BPIFC: variants seen among roughly 807,000 people sequenced by gnomAD.
The protein encoded by BPIFC is BPI fold-containing family C protein.
Under a neutral mutation model 57.6 loss-of-function variants are expected in BPIFC, and 60 were observed. That is an observed-to-expected ratio of 1.04 (90% CI 0.85 to 1.29). BPIFC has a LOEUF of 1.29. Ranked by LOEUF, BPIFC falls within the 50% of genes most tolerant of loss-of-function variation. The pLI, the probability that BPIFC is intolerant of heterozygous loss-of-function variation, is 0.00. For synonymous variants in BPIFC, 243 were observed against 224.5 expected (o/e 1.08, Z -0.74); for missense variants, 581 against 600.5 (o/e 0.97, Z 0.34).
Position 32,445,731 on chromosome 22 carries a change from A to AAAAAAAAAT in BPIFC, c.531-34_531-33insATTTTTTTT, listed in dbSNP as rs1568954978. 5.9e-6 allele frequency: 9 copies of AAAAAAAAAT among 1,532,454 alleles called. No homozygotes were observed. The South Asian group carries it at 6.2e-5, about 11-fold the overall frequency. The allele number at this position is 1,532,454 out of a possible 1,614,324, so 94.9% of individuals were successfully genotyped here. A position where few individuals can be genotyped will look rare whatever the true frequency, so the allele number is the denominator to read the frequency against. On this transcript the variant is annotated intron_variant, in intron 6 of 16. Coordinates refer to ENST00000300399, the MANE Select transcript of BPIFC (RefSeq NM_174932.3). ...AAAAAATGAAAAAAAAAAAAAAAAA[A>AAAAAAAAAT]AAAAGAGGTTACTCAGAGACCATAA...
rs994008455 is a variant in BPIFC at position 32,419,472 on chromosome 22, TA to T, written c.1218-69del. The stretch of plus-strand genomic sequence containing the variant: ...GCCTTAGTAGAAAGAAACCAAAAAG[TA>T]AAAGGATATTTTCAGTTCAAAAGTC... On this transcript the variant is annotated intron_variant, in intron 13 of 16. Coordinates refer to ENST00000300399, the MANE Select transcript of BPIFC (RefSeq NM_174932.3). 3 of 1,412,058 alleles carry T rather than the reference TA, an allele frequency of 2.1e-6. No homozygotes were observed. In the African/African-American group the frequency reaches 4.3e-5, roughly 20 times the overall value. 87.5% of individuals were successfully genotyped at this position (1,412,058 alleles called of 1,614,324 possible).
At chr22:32,446,754 A>G (rs1426648986) in intron 5 of BPIFC, 2 of 985,270 alleles carry the variant, frequency 2.0e-6, no homozygotes, top group African/African-American at 1.7e-5. Flanking sequence ...TCCTCCTTCT[A>G]CACGAGGGTG....
rs557657833 is a variant in BPIFC at position 32,415,767 on chromosome 22, C to T, written c.1401+148G>A. 7.3e-6 allele frequency: 4 copies of T among 546,126 alleles called. No homozygotes were observed. The African/African-American group carries it at 8.1e-5, about 11-fold the overall frequency. The allele number at this position is 546,126 out of a possible 1,614,324, so 33.8% of individuals were successfully genotyped here. A position where few individuals can be genotyped will look rare whatever the true frequency, so the allele number is the denominator to read the frequency against. On this transcript the variant is annotated intron_variant, in intron 16 of 16. Transcript: ENST00000300399. ...TTTTCTGTTAATTGTGATTTAAGAA[C>T]TAAACATGTTTATAAGATTCCCTGG... is the stretch of plus-strand genomic sequence containing the variant.
At position 32,423,577 on chromosome 22, in the gene BPIFC, G is replaced by GGGGTGTGTGTGTGTGT. The variant is rs1556036074; in HGVS notation, c.1218-4174_1218-4173insACACACACACACACCC. 2.3e-3 allele frequency among the ~76,000 whole-genome samples: 331 copies of GGGGTGTGTGTGTGTGT among 143,256 alleles called. 2 individuals carry two copies. The highest frequency in any genetic ancestry group is 7.7e-3 in the African/African-American group (290 of 37,450). 94.0% of individuals were successfully genotyped at this position (143,256 alleles called of 152,430 possible). A position where few individuals can be genotyped will look rare whatever the true frequency, so the allele number is the denominator to read the frequency against. ...TGCTTGGGAGGAGTTGTAGGGTGTG[G>GGGGTGTGTGTGTGTGT]GTGTGTGTGTGTGTGTGTGTGTGTG... On this transcript the variant is annotated intron_variant, in intron 13 of 16. Transcript: ENST00000300399.
At chr22:32,446,652 C>T in intron 5 of BPIFC, 1 of 675,162 alleles carries the variant, frequency 1.5e-6, no homozygotes, top group Non-Finnish European at 1.8e-6. Flanking sequence ...ATGTGTTATC[C>T]TGTGGCACCA....
intron 13 of BPIFC, among the ~76,000 whole-genome samples, chr22:32,424,789 C>CTTCTTCTTCCT (rs1934016412): frequency 9.7e-6 from 1 of 103,596 alleles, no homozygotes; most frequent in African/African-American, 4.1e-5. Context: ...CTTCTTCTTC[C>CTTCTTCTTCCT]TTTTTTTTTG....
intron 4 of BPIFC, among the ~76,000 whole-genome samples, chr22:32,450,089 A>G (rs1227022102): frequency 4.0e-5 from 5 of 124,446 alleles, no homozygotes; most frequent in East Asian, 2.4e-4. Context: ...TGGGTCAAAG[A>G]GCATACACAC....
intron 1 of BPIFC, 61 bp downstream of exon 1, chr22:32,464,313 G>T: frequency 1.2e-6 from 1 of 802,070 alleles, no homozygotes; most frequent in Non-Finnish European, 1.5e-6. Flanking sequence ...ACCAAATCTG[G>T]GACATCTCCA....
intron 5 of BPIFC, 91 bp from the exon 6 acceptor site, chr22:32,446,087 G>T (rs1423086420): frequency 1.4e-6 from 2 of 1,438,024 alleles, no homozygotes; most frequent in East Asian, 4.6e-5. Flanking sequence ...TAAGCTCCTG[G>T]ACTGCAGTGA....
chr22:32,442,783 A>T (rs1934601459), intron 7 of BPIFC, 52 bp from the exon 8 acceptor site: 1 of 1,558,622 alleles, frequency 6.4e-7, no homozygotes, highest in Non-Finnish European at 8.8e-7. Context: ...TTGTACTGGA[A>T]AGCCTTATTG....
intron 13 of BPIFC, 123 bp downstream of exon 13, chr22:32,431,224 C>A: frequency 1.3e-6 from 1 of 773,362 alleles, no homozygotes; most frequent in East Asian, 3.0e-5. Context: ...AGCGATTCTC[C>A]TGCCTCAGCC....
intron 14 of BPIFC, among the ~76,000 whole-genome samples, chr22:32,417,352 A>T (rs713760): frequency 0.094 from 14,319 of 151,708 alleles, 749 homozygotes; most frequent in Middle Eastern, 0.17. Context: ...AGTTAAAAAA[A>T]TTTTTTTTAG....
intron 2 of BPIFC, among the ~76,000 whole-genome samples, chr22:32,459,971 C>G (rs1935129694): frequency 6.6e-6 from 1 of 152,040 alleles, no homozygotes; most frequent in Non-Finnish European, 1.5e-5. Flanking sequence ...TCAGAAGCAG[C>G]CTGGGTGAAG....
At position 32,446,093 on chromosome 22, in the gene BPIFC, A is replaced by C. The variant is rs557977532; in HGVS notation, c.375-97T>G. On this transcript the variant is annotated intron_variant, in intron 5 of 16. Transcript: ENST00000300399. ...CAGAGACTCTAAGCTCCTGGACTGC[A>C]GTGACTTTGTCATGTTCACCTCTGA... 1.8e-5 allele frequency: 26 copies of C among 1,426,254 alleles called. 1 individual carries two copies. Among genetic ancestry groups the C allele is most frequent in the Admixed American group, 1.4e-4 (7 of 48,994 alleles). The allele number at this position is 1,426,254 out of a possible 1,614,324, so 88.3% of individuals were successfully genotyped here.
Position 32,452,594 on chromosome 22 carries a change from C to T in BPIFC, c.245+789G>A, listed in dbSNP as rs537966864. ...CAGAGCTTGCAGTGAGCCGAGATCGCGCCACTGCACTCCAGCCTAGGCAAC... is the reference window on the plus strand; with the variant it reads ...CAGAGCTTGCAGTGAGCCGAGATCGTGCCACTGCACTCCAGCCTAGGCAAC... On this transcript the variant is annotated intron_variant, in intron 4 of 16. Coordinates refer to ENST00000300399, the MANE Select transcript of BPIFC (RefSeq NM_174932.3). Among the ~76,000 whole-genome samples, 123 of 151,138 alleles carry T rather than the reference C, an allele frequency of 8.1e-4. No homozygotes were observed. The Middle Eastern group carries it at 0.014, about 17-fold the overall frequency.
intron 4 of BPIFC, among the ~76,000 whole-genome samples, chr22:32,450,093 TACACACACAC>T (rs59948938): frequency 0.27 from 39,219 of 145,248 alleles, 5,491 homozygotes; most frequent in South Asian, 0.41. Context: ...TCAAAGAGCA[TACACACACAC>T]ACACACACAC....
At position 32,414,200 on chromosome 22, in the gene BPIFC, A is replaced by T. The variant is rs1161433414; in HGVS notation, c.*103T>A. Reference sequence around the variant, plus strand: ...AAAACTTTCTGCCTAAGCAATTCACAAGGGCTTTACAATTCCAGTGTGTAC... The same window carrying T: ...AAAACTTTCTGCCTAAGCAATTCACTAGGGCTTTACAATTCCAGTGTGTAC... On this transcript the variant is annotated 3_prime_UTR_variant, in exon 17 of 17. Transcript: ENST00000300399. The T allele has an allele frequency of 1.4e-6, 2 of 1,472,982 alleles. No individual in the cohort carries two copies. The highest frequency in any genetic ancestry group is 1.8e-6 in the Non-Finnish European group (2 of 1,096,664). The allele number at this position is 1,472,982 out of a possible 1,614,324, so 91.2% of individuals were successfully genotyped here. A position where few individuals can be genotyped will look rare whatever the true frequency, so the allele number is the denominator to read the frequency against.
In BPIFC at chr22:32,445,866, G is replaced by A. The variant is rs749712904; in HGVS notation, c.505C>T (p.His169Tyr). The change falls in exon 6 of 17, where the codon CAC (histidine) becomes TAC (tyrosine). Residue 169 changes from histidine (H) to tyrosine (Y), a missense_variant. Physicochemically the swap from His to Tyr is moderately conservative, Grantham distance 83 (BLOSUM62 2). Transcript: ENST00000300399. The part of the protein sequence containing the change: ...QDCYAQLSHA[H>Y]VSFSGELSVL... ...CTGAGTTCTCCGGAAAATGAGACGT[G>A]GGCATGGCTCAGTTGGGCGTAGCAA... 6.2e-7 allele frequency: 1 copy of A among 1,614,118 alleles called. No homozygotes were observed. The highest frequency in any genetic ancestry group is 8.5e-7 in the Non-Finnish European group (1 of 1,180,014).
At position 32,444,545 on chromosome 22, in the gene BPIFC, C is replaced by T. The variant is rs114789643; in HGVS notation, c.594+1090G>A. Among the ~76,000 whole-genome samples the T allele has an allele frequency of 3.7e-3, 556 of 152,200 alleles. 3 individuals carry two copies. The highest frequency in any genetic ancestry group is 0.012 in the African/African-American group (507 of 41,516). On this transcript the variant is annotated intron_variant, in intron 7 of 16. Coordinates refer to ENST00000300399, the MANE Select transcript of BPIFC (RefSeq NM_174932.3). ...TTATCTCCCCCAAAATACAGGTAAA[C>T]GGTTCAGGGAAGGTGTGGTCATTAT... is the stretch of plus-strand genomic sequence containing the variant.
Sources: gnomAD v4.1 joint callset for allele counts (sites outside exome capture counted in the v4.1 genomes callset) on GRCh38, gnomAD v4.1.1 for gene constraint, MANE v1.5 for transcripts, NCBI Gene and HGNC (gene_info 2026-07-23, HGNC 2026-07-21) for gene names.